The following PTPRD variants were observed in gnomAD, a reference collection of about 807,000 sequenced individuals.
The protein encoded by PTPRD is protein tyrosine phosphatase receptor type D, also known as receptor-type tyrosine-protein phosphatase delta.
PTPRD carries 34 observed loss-of-function variants against 214.5 expected under a neutral mutation model. The observed-to-expected ratio is 0.16, with a 90% CI of 0.12 to 0.21. The LOEUF is 0.21. Ranked by LOEUF, PTPRD falls within the 10% of genes least tolerant of loss-of-function variation. The pLI is 1.00. For missense variants in PTPRD, 2,545 were observed against 2,398.7 expected, an observed-to-expected ratio of 1.06 and a Z score of -1.27; for synonymous variants, 1,128 against 845.7, an observed-to-expected ratio of 1.33 and a Z score of -5.79.
At position 8,784,918 on chromosome 9, in the gene PTPRD, A is replaced by T. The variant is rs78141411; in HGVS notation, c.-103-50972T>A. 5.2e-4 allele frequency among the ~76,000 whole-genome samples: 79 copies of T among 152,334 alleles called. No homozygotes were observed. The East Asian group carries it at 0.013, about 25-fold the overall frequency. ...AAAACAAACAAATGAACAAACAGAAACAACTTCCATGATAAGGTCAAATTT... is the reference window on the plus strand; with the variant it reads ...AAAACAAACAAATGAACAAACAGAATCAACTTCCATGATAAGGTCAAATTT... On this transcript the variant is annotated intron_variant, in intron 11 of 45. Coordinates refer to ENST00000381196, the MANE Select transcript of PTPRD (RefSeq NM_002839.4).
At chr9:10,256,016 C>T (rs1595483918) in intron 3 of PTPRD, among the ~76,000 whole-genome samples, 1 of 152,152 alleles carries the variant, frequency 6.6e-6, no homozygotes, top group East Asian at 1.9e-4. Flanking sequence ...GTCAGTTCAG[C>T]AGCAGCATTA....
chr9:10,545,937 T>C (rs1038365064), intron 2 of PTPRD, among the ~76,000 whole-genome samples: 1 of 152,178 alleles, frequency 6.6e-6, no homozygotes, highest in Admixed American at 6.6e-5. Context: ...CATATTATAA[T>C]AGAGTCTCAT....
chr9:9,289,262 C>T (rs1950425947), intron 9 of PTPRD, among the ~76,000 whole-genome samples: 1 of 151,876 alleles, frequency 6.6e-6, no homozygotes, highest in Non-Finnish European at 1.5e-5. Context: ...CATGTGCATG[C>T]TAAAGATAAC....
intron 10 of PTPRD, among the ~76,000 whole-genome samples, chr9:9,087,299 T>C (rs1194361149): frequency 6.6e-6 from 1 of 152,176 alleles, no homozygotes; most frequent in Non-Finnish European, 1.5e-5. Context: ...AAATAGAATG[T>C]GCATAGATGA....
chr9:9,217,766 C>T (rs891679711), intron 9 of PTPRD, among the ~76,000 whole-genome samples: 1 of 152,116 alleles, frequency 6.6e-6, no homozygotes, highest in African/African-American at 2.4e-5. Context: ...ACCTCATCTC[C>T]ACCAAAATCC....
chr9:8,337,873 AT>A (rs1554721263), intron 43 of PTPRD, among the ~76,000 whole-genome samples: 391 of 143,378 alleles, frequency 2.7e-3, no homozygotes, highest in Non-Finnish European at 2.8e-3. Context: ...AAAGAGCACT[AT>A]TTTTTTTTTT....
intron 11 of PTPRD, among the ~76,000 whole-genome samples, chr9:8,820,022 G>C (rs1295749462): frequency 6.6e-6 from 1 of 152,132 alleles, no homozygotes; most frequent in East Asian, 1.9e-4. Flanking sequence ...CATCACTTTT[G>C]AGGCAACATT....
intron 10 of PTPRD, among the ~76,000 whole-genome samples, chr9:9,038,759 G>A (rs1181401107): frequency 6.6e-6 from 1 of 151,944 alleles, no homozygotes. Context: ...ATTTCACCAT[G>A]TTGGCCAGGC....
chr9:10,485,452 G>T (rs1049029058), intron 2 of PTPRD, among the ~76,000 whole-genome samples: 3 of 152,034 alleles, frequency 2.0e-5, no homozygotes, highest in Non-Finnish European at 2.9e-5. Flanking sequence ...ACTATGGGTT[G>T]TATGGACATT....
intron 9 of PTPRD, among the ~76,000 whole-genome samples, chr9:9,275,062 TATATTATATATATATATATA>T (rs1944480307): frequency 1.5e-5 from 1 of 66,468 alleles, no homozygotes; most frequent in Non-Finnish European, 2.8e-5. Context: ...TATGTATATA[TATATTATATATATATATATA>T]ATATATATGT....
intron 5 of PTPRD, among the ~76,000 whole-genome samples, chr9:9,771,477 T>C (rs1022197235): frequency 6.6e-6 from 1 of 152,220 alleles, no homozygotes; most frequent in Admixed American, 6.5e-5. Flanking sequence ...CCATAAGAAG[T>C]TGAGCTTATC....
At chr9:9,853,011 C>T (rs1328593148) in intron 5 of PTPRD, among the ~76,000 whole-genome samples, 1 of 152,170 alleles carries the variant, frequency 6.6e-6, no homozygotes, top group Non-Finnish European at 1.5e-5. Context: ...CTTATAGCAT[C>T]ATGTACAACA....
intron 39 of PTPRD, among the ~76,000 whole-genome samples, chr9:8,342,705 C>T (rs1218915870): frequency 6.6e-6 from 1 of 152,054 alleles, no homozygotes; most frequent in African/African-American, 2.4e-5. Flanking sequence ...CCTCATTGAT[C>T]TGTCCATTTC....
At chr9:10,515,972 TC>T (rs1370791186) in intron 2 of PTPRD, among the ~76,000 whole-genome samples, 2 of 151,974 alleles carry the variant, frequency 1.3e-5, no homozygotes, top group African/African-American at 4.8e-5. Context: ...ACTCATCCAT[TC>T]ATCTGTGGAC....
chr9:8,758,299 AC>A (rs1490785188), intron 11 of PTPRD, among the ~76,000 whole-genome samples: 1 of 152,192 alleles, frequency 6.6e-6, no homozygotes, highest in Admixed American at 6.5e-5. Context: ...ATGTAGTACC[AC>A]TCTAGATGCA....
intron 5 of PTPRD, among the ~76,000 whole-genome samples, chr9:9,860,944 G>A (rs2062610673): frequency 6.6e-6 from 1 of 152,140 alleles, no homozygotes; most frequent in Non-Finnish European, 1.5e-5. Context: ...GCAGTTTTGG[G>A]AAAAAGCTAA....
At chr9:8,930,007 A>G (rs1185943580) in intron 11 of PTPRD, among the ~76,000 whole-genome samples, 2 of 151,336 alleles carry the variant, frequency 1.3e-5, no homozygotes. Flanking sequence ...CATGTGCACA[A>G]CGTGCAGGTT....
At chr9:10,214,189 T>A (rs1466348411) in intron 3 of PTPRD, among the ~76,000 whole-genome samples, 1 of 152,126 alleles carries the variant, frequency 6.6e-6, no homozygotes, top group East Asian at 1.9e-4. Context: ...ATTATACTGT[T>A]AAAGGCTAGA....
chr9:9,693,723 C>G (rs1165905667), intron 7 of PTPRD, among the ~76,000 whole-genome samples: 1 of 152,188 alleles, frequency 6.6e-6, no homozygotes, highest in Non-Finnish European at 1.5e-5. Context: ...TAAGGCCACT[C>G]TTAGACTTAC....
Sources: gnomAD v4.1 joint callset for allele counts (sites outside exome capture counted in the v4.1 genomes callset) on GRCh38, gnomAD v4.1.1 for gene constraint, MANE v1.5 for transcripts, NCBI Gene and HGNC (gene_info 2026-07-23, HGNC 2026-07-21) for gene names.